ADGRL3: variants seen among roughly 807,000 people sequenced by gnomAD.
The protein encoded by ADGRL3 is calcium-independent alpha-latrotoxin receptor 3.
ADGRL3 carries 62 observed loss-of-function variants against 153.5 expected under a neutral mutation model. The ratio of observed to expected loss-of-function variants is 0.40; its 90% CI spans 0.33 to 0.50. ADGRL3 has a LOEUF of 0.50. Ranked by LOEUF, ADGRL3 falls within the 20% of genes least tolerant of loss-of-function variation. ADGRL3 has a pLI of 0.47. For synonymous variants in ADGRL3, 710 were observed against 672.5 expected, an observed-to-expected ratio of 1.06 and a Z score of -0.86; for missense variants, 1,641 against 1,859.4, an observed-to-expected ratio of 0.88 and a Z score of 2.16.
At chr4:61,857,686 C>T (rs2122645) in intron 9 of ADGRL3, among the ~76,000 whole-genome samples, 21 of 149,060 alleles carry the variant, frequency 1.4e-4, no homozygotes, top group East Asian at 1.0e-3. Flanking sequence ...TTTCTTCCTT[C>T]CTTTCTTCCT....
intron 1 of ADGRL3, among the ~76,000 whole-genome samples, chr4:61,349,425 A>T (rs1339516903): frequency 6.6e-6 from 1 of 152,024 alleles, no homozygotes; most frequent in Non-Finnish European, 1.5e-5. Flanking sequence ...TCTGTGAATG[A>T]TTTTACAAAA....
intron 19 of ADGRL3, among the ~76,000 whole-genome samples, chr4:61,992,059 T>C (rs1017079097): frequency 6.6e-6 from 1 of 151,784 alleles, no homozygotes; most frequent in Non-Finnish European, 1.5e-5. Context: ...ATACATATGA[T>C]TGAATTTCAT....
intron 15 of ADGRL3, among the ~76,000 whole-genome samples, chr4:61,938,588 G>C (rs999608622): frequency 2.6e-5 from 4 of 152,132 alleles, no homozygotes; most frequent in African/African-American, 9.7e-5. Context: ...GCTGTGAAAT[G>C]TCACTGCTGC....
chr4:61,958,096 C>T (rs1260057628), intron 17 of ADGRL3, among the ~76,000 whole-genome samples: 1 of 151,958 alleles, frequency 6.6e-6, no homozygotes, highest in African/African-American at 2.4e-5. Context: ...CTTTGTGTAC[C>T]TCTCATCAAT....
At chr4:61,715,064 A>C (rs1415946665) in intron 6 of ADGRL3, among the ~76,000 whole-genome samples, 2 of 152,226 alleles carry the variant, frequency 1.3e-5, no homozygotes, top group Admixed American at 1.3e-4. Context: ...ATTTGGTAGA[A>C]TGTTAATTAT....
rs530608681 is a variant in ADGRL3, at chr4:62,024,260, A to G, written c.3396-4595A>G. On this transcript the variant is annotated intron_variant, in intron 21 of 26. Coordinates refer to ENST00000683033, the MANE Select transcript of ADGRL3 (RefSeq NM_001387552.1). Reference sequence around the variant, plus strand: ...ATAAGCAGCACACAATCTATTATTTAAAGTTTAATATTGGTGTTTTGCCTT... The same window carrying G: ...ATAAGCAGCACACAATCTATTATTTGAAGTTTAATATTGGTGTTTTGCCTT... Among the ~76,000 whole-genome samples the G allele has an allele frequency of 8.5e-5, 13 of 152,232 alleles. 1 individual carries two copies. The South Asian group carries it at 2.7e-3, about 32-fold the overall frequency.
intron 6 of ADGRL3, among the ~76,000 whole-genome samples, chr4:61,726,199 C>CTTTTTTTTTTTTTTTATTTTTTT (rs1012113549): frequency 1.2e-5 from 1 of 82,942 alleles, no homozygotes; most frequent in Non-Finnish European, 2.5e-5. Context: ...CTCACTGGAA[C>CTTTTTTTTTTTTTTTATTTTTTT]TTTTTTTTTT....
intron 5 of ADGRL3, among the ~76,000 whole-genome samples, chr4:61,628,187 A>G (rs1560959497): frequency 1.3e-5 from 2 of 152,280 alleles, no homozygotes; most frequent in East Asian, 3.9e-4. Flanking sequence ...GTCTCCTATT[A>G]CATTGTGGAA....
intron 17 of ADGRL3, among the ~76,000 whole-genome samples, chr4:61,958,492 T>C (rs1053614871): frequency 2.0e-5 from 3 of 152,002 alleles, no homozygotes; most frequent in African/African-American, 7.2e-5. Context: ...CTATAAAGAA[T>C]AACTGAGACT....
chr4:61,676,481 A>G (rs2095198038), intron 5 of ADGRL3, among the ~76,000 whole-genome samples: 2 of 151,536 alleles, frequency 1.3e-5, no homozygotes, highest in Non-Finnish European at 2.9e-5. Context: ...TTTGTACTGG[A>G]GTGAGTCTTT....
At chr4:61,975,251 A>G (rs926223882) in intron 17 of ADGRL3, among the ~76,000 whole-genome samples, 1 of 152,188 alleles carries the variant, frequency 6.6e-6, no homozygotes, top group Non-Finnish European at 1.5e-5. Flanking sequence ...TTTAGATACG[A>G]TGACTCAGAA....
chr4:61,947,897 C>T (rs150356434), intron 16 of ADGRL3, among the ~76,000 whole-genome samples: 4 of 152,234 alleles, frequency 2.6e-5, no homozygotes, highest in African/African-American at 7.2e-5. Flanking sequence ...AAATAGTGCA[C>T]TCTTCTCTAG....
intron 6 of ADGRL3, among the ~76,000 whole-genome samples, chr4:61,687,257 A>G (rs1404927966): frequency 2.6e-5 from 4 of 152,032 alleles, no homozygotes; most frequent in Admixed American, 2.6e-4. Flanking sequence ...ATGTCACCTT[A>G]ACAGTCAAAA....
In ADGRL3 at chr4:62,071,108, C is replaced by T. The variant is rs1255230231; in HGVS notation, c.*200C>T. On this transcript the variant is annotated 3_prime_UTR_variant, in exon 27 of 27. Coordinates refer to ENST00000683033, the MANE Select transcript of ADGRL3 (RefSeq NM_001387552.1). ...GGAGAAAGATAACTGCTAAAATTCC[C>T]CTGTACCCCATCCTTTCTTGTCCTT... 1 of 516,318 alleles carries T rather than the reference C, an allele frequency of 1.9e-6. No homozygotes were observed. The highest frequency in any genetic ancestry group is 3.4e-6 in the Non-Finnish European group (1 of 293,280). The allele number at this position is 516,318 out of a possible 1,614,324, so 32.0% of individuals were successfully genotyped here. A position where few individuals can be genotyped will look rare whatever the true frequency, so the allele number is the denominator to read the frequency against.
At chr4:61,455,127 T>C (rs184540572) in intron 2 of ADGRL3, among the ~76,000 whole-genome samples, 13 of 152,258 alleles carry the variant, frequency 8.5e-5, no homozygotes, top group South Asian at 6.2e-4. Flanking sequence ...AAAATAGTAA[T>C]GGTGGGTTGG....
intron 5 of ADGRL3, among the ~76,000 whole-genome samples, chr4:61,652,642 A>T (rs1361852025): frequency 6.6e-6 from 1 of 152,196 alleles, no homozygotes; most frequent in African/African-American, 2.4e-5. Context: ...GTGTATATTT[A>T]AAAAATCATT....
In ADGRL3 at chr4:61,744,582, G is replaced by A. The variant is rs186008333; in HGVS notation, c.1399+11028G>A. Among the ~76,000 whole-genome samples the A allele has an allele frequency of 6.0e-4, 92 of 152,334 alleles. 1 individual carries two copies. The East Asian group carries it at 0.015, about 25-fold the overall frequency. On this transcript the variant is annotated intron_variant, in intron 8 of 26. Coordinates refer to ENST00000683033, the MANE Select transcript of ADGRL3 (RefSeq NM_001387552.1). The stretch of plus-strand genomic sequence containing the variant: ...AAAAATCCGCTGTTCTGCAGCCACC[G>A]CTGCTGGTACCCAGGCAAACAGGGT...
At chr4:61,238,192 A>G (rs181199237) in intron 1 of ADGRL3, among the ~76,000 whole-genome samples, 8 of 152,308 alleles carry the variant, frequency 5.3e-5, no homozygotes, top group African/African-American at 1.9e-4. Context: ...GTACTGCAGC[A>G]AATAGAACCA....
At chr4:61,718,245 A>G (rs937645201) in intron 6 of ADGRL3, among the ~76,000 whole-genome samples, 2 of 152,114 alleles carry the variant, frequency 1.3e-5, no homozygotes, top group African/African-American at 4.8e-5. Flanking sequence ...CCACATAGCC[A>G]TTTTATTTTT....
Sources: allele counts gnomAD v4.1 joint callset (sites outside exome capture counted in the v4.1 genomes callset), GRCh38; gene constraint gnomAD v4.1.1; transcripts MANE v1.5; gene names NCBI Gene and HGNC (gene_info 2026-07-23, HGNC 2026-07-21).